The following STAG2 variants were observed in gnomAD, a reference collection of about 807,000 sequenced individuals.
STAG2 encodes the protein cohesin subunit SA-2.
STAG2 carries 14 observed loss-of-function variants against 108.1 expected under a neutral mutation model. The observed-to-expected ratio is 0.13, with a 90% confidence interval of 0.09 to 0.20. The LOEUF is 0.20. STAG2 is among the 10% of genes least tolerant of loss of function. The pLI is 1.00. For synonymous variants in STAG2, 307 were observed against 302.7 expected (o/e 1.01, Z -0.15); for missense variants, 440 against 940.9 (o/e 0.47, Z 6.96).
At chrX:124,043,109 G>A (rs73212926) in intron 7 of STAG2, among the ~76,000 whole-genome samples, 8,179 of 109,226 alleles carry the variant, frequency 0.075, 310 homozygotes, top group Non-Finnish European at 0.11. Context: ...CCTTTGGCAG[G>A]TTGTTGTCTT....
intron 3 of STAG2, among the ~76,000 whole-genome samples, chrX:124,023,695 A>G (rs1223761773): frequency 8.9e-6 from 1 of 112,034 alleles, no homozygotes; most frequent in Non-Finnish European, 1.9e-5. Flanking sequence ...TCATATTTTA[A>G]AGATATAAAG....
chrX:124,038,203 C>T lies in STAG2; in HGVS notation c.385+580C>T, dbSNP rs189015684. Among the ~76,000 whole-genome samples, 3 of 111,155 alleles carry T rather than the reference C, an allele frequency of 2.7e-5. No individual in the cohort carries two copies. In the Admixed American group the frequency reaches 2.9e-4, roughly 11 times the overall value. ...AAGTACAAAATACAGAAATTTCTTCCCTAAGACAGAAGTATTTAGGACAAA... is the reference window on the plus strand; with the variant it reads ...AAGTACAAAATACAGAAATTTCTTCTCTAAGACAGAAGTATTTAGGACAAA... On this transcript the variant is annotated intron_variant, in intron 6 of 34. Transcript: ENST00000371145.
At chrX:124,099,304 C>G (rs976548431) in intron 34 of STAG2, among the ~76,000 whole-genome samples, 1 of 111,873 alleles carries the variant, frequency 8.9e-6, no homozygotes, top group Admixed American at 9.5e-5. Context: ...TTTGTACTTT[C>G]ATTCATCATC....
intron 11 of STAG2, among the ~76,000 whole-genome samples, chrX:124,050,784 T>G (rs1298680464): frequency 8.9e-6 from 1 of 111,765 alleles, no homozygotes; most frequent in African/African-American, 3.3e-5. Context: ...CTTGAAGAAA[T>G]TGATTGTATA....
chrX:124,006,434 CTATTTTT>C (rs2147878619), intron 1 of STAG2, among the ~76,000 whole-genome samples: 2 of 76,077 alleles, frequency 2.6e-5, no homozygotes, highest in South Asian at 2.1e-3. Flanking sequence ...GGTGTTGTCA[CTATTTTT>C]TTTTTTTTTT....
chrX:124,051,722 C>T (rs886924456), intron 13 of STAG2, among the ~76,000 whole-genome samples: 1 of 110,295 alleles, frequency 9.1e-6, no homozygotes, highest in Non-Finnish European at 1.9e-5. Context: ...TCCCGAGTAG[C>T]TGGGACTACA....
At chrX:124,019,487 C>T (rs192195786) in intron 1 of STAG2, among the ~76,000 whole-genome samples, 1 of 111,757 alleles carries the variant, frequency 8.9e-6, no homozygotes, top group Non-Finnish European at 1.9e-5. Flanking sequence ...CATTGCCCAG[C>T]ACTACATTTG....
chrX:123,987,866 A>G (rs1003543059), intron 1 of STAG2, among the ~76,000 whole-genome samples: 8 of 111,871 alleles, frequency 7.2e-5, no homozygotes, highest in African/African-American at 2.6e-4. Context: ...GAATCTCATA[A>G]AACTATTAGA....
At chrX:124,039,140 A>ATTG (rs1196644072) in intron 6 of STAG2, among the ~76,000 whole-genome samples, 13 of 101,223 alleles carry the variant, frequency 1.3e-4, no homozygotes, top group Middle Eastern at 0.01. Flanking sequence ...CCTTTTATTT[A>ATTG]TTATTATTAT....
In STAG2 at chrX:124,066,197, G is replaced by A. The variant is rs966712204; in HGVS notation, c.2119G>A (p.Asp707Asn). 2 of 1,122,544 alleles carry A rather than the reference G, an allele frequency of 1.8e-6. No individual in the cohort carries two copies. Among genetic ancestry groups the A allele is most frequent in the African/African-American group, 2.1e-5 (1 of 48,722 alleles). The allele number at this position is 1,122,544 out of a possible 1,213,427, so 92.5% of individuals were successfully genotyped here. Residue 707 changes from aspartate (D) to asparagine (N), a missense_variant, in exon 22 of 35, where the codon GAT becomes AAT. Physicochemically the swap from Asp to Asn is conservative, Grantham distance 23. Transcript: ENST00000371145. ...CAGTGCCCATGACCTTTCAAAGTGG[G>A]ATTTATTTGCTTGTAATTACAAACT... is the stretch of plus-strand genomic sequence containing the variant. ...FHNAHDLSKW[D>N]LFACNYKLLK...
chrX:124,024,324 G>C (rs781600349), intron 3 of STAG2, among the ~76,000 whole-genome samples: 1 of 111,084 alleles, frequency 9.0e-6, no homozygotes, highest in East Asian at 2.8e-4. Flanking sequence ...CCTACGAAAC[G>C]CTTGGGAAGA....
At chrX:124,067,767 C>A (rs997764888) in intron 23 of STAG2, among the ~76,000 whole-genome samples, 1 of 111,622 alleles carries the variant, frequency 9.0e-6, no homozygotes, top group African/African-American at 3.3e-5. Context: ...CACAGTGGCT[C>A]ACGCCTGTAC....
At chrX:124,048,665 A>G in intron 9 of STAG2, among the ~76,000 whole-genome samples, 1 of 111,452 alleles carries the variant, frequency 9.0e-6, no homozygotes, top group African/African-American at 3.3e-5. Context: ...CCTGACCTCA[A>G]GTGATCCGTC....
At position 124,056,153 on chromosome X, in the gene STAG2, G is replaced by A. The variant is rs1420112309; in HGVS notation, c.1222G>A (p.Glu408Lys). 1 of 1,206,601 alleles carries A rather than the reference G, an allele frequency of 8.3e-7. No homozygotes were observed. The highest frequency in any genetic ancestry group is 1.1e-6 in the Non-Finnish European group (1 of 892,568). Residue 408 changes from glutamate to lysine, a missense_variant, in exon 14 of 35, where the codon GAA (glutamate) becomes AAA (lysine). Physicochemically the swap from Glu to Lys is moderately conservative, Grantham distance 56. Coordinates refer to ENST00000371145, the MANE Select transcript of STAG2 (RefSeq NM_001042750.2). ...LQSSEEVLTA[E>K]DCENVYHLVY... ...GAGTAGTGAAGAAGTTCTCACTGCA[G>A]AAGATTGTGAAAATGTCTATCATCT... is the stretch of plus-strand genomic sequence containing the variant.
chrX:123,991,600 G>A (rs1209204970), intron 1 of STAG2, among the ~76,000 whole-genome samples: 1 of 110,925 alleles, frequency 9.0e-6, no homozygotes, highest in African/African-American at 3.3e-5. Flanking sequence ...TGATCTGCCC[G>A]CCTCTGCCTC....
chrX:123,965,453 T>C (rs146682718), intron 1 of STAG2, among the ~76,000 whole-genome samples: 2 of 111,739 alleles, frequency 1.8e-5, no homozygotes, highest in African/African-American at 3.3e-5. Context: ...TGAGGACTTA[T>C]GAATTAAAGT....
intron 1 of STAG2, among the ~76,000 whole-genome samples, chrX:124,008,403 G>A (rs1418415923): frequency 3.6e-5 from 4 of 110,213 alleles, no homozygotes; most frequent in Non-Finnish European, 7.6e-5. Flanking sequence ...AGTAGAGACA[G>A]GGTTTCACCA....
intron 4 of STAG2, among the ~76,000 whole-genome samples, chrX:124,028,990 TA>T (rs200132273): frequency 0.21 from 19,435 of 92,573 alleles, 1,835 homozygotes; most frequent in East Asian, 0.41. Flanking sequence ...TTTATTTATA[TA>T]TATATATATA....
chrX:124,004,060 TTTG>T (rs1460884079), intron 1 of STAG2, among the ~76,000 whole-genome samples: 1 of 112,171 alleles, frequency 8.9e-6, no homozygotes, highest in Non-Finnish European at 1.9e-5. Context: ...TGCTTTCACA[TTTG>T]TTGTGCAGCC....
Sources: gnomAD v4.1 joint callset for allele counts (sites outside exome capture counted in the v4.1 genomes callset) on GRCh38, gnomAD v4.1.1 for gene constraint, MANE v1.5 for transcripts, NCBI Gene and HGNC (gene_info 2026-07-23, HGNC 2026-07-21) for gene names.